ZNF280D: variants seen among roughly 807,000 people sequenced by gnomAD.
ZNF280D encodes the protein zinc finger protein 280D.
Under a neutral mutation model 94.7 loss-of-function variants are expected in ZNF280D, and 39 were observed. The ratio of observed to expected loss-of-function variants is 0.41; its 90% CI spans 0.32 to 0.54. The LOEUF is 0.54. Ranked by LOEUF, ZNF280D falls within the 20% of genes least tolerant of loss-of-function variation. ZNF280D has a pLI of 0.22. For missense variants in ZNF280D, 1,090 were observed against 1,149.3 expected (o/e 0.95, Z 0.75); for synonymous variants, 398 against 377.6 (o/e 1.05, Z -0.63).
intron 21 of ZNF280D, chr15:56,633,954 A>G (rs999969193): frequency 6.6e-6 from 1 of 152,144 alleles, no homozygotes; most frequent in Admixed American, 6.5e-5. Context: ...TGTAGTTAAT[A>G]TATTATTTTT....
chr15:56,693,233 G>A lies in ZNF280D; in HGVS notation c.382-18C>T. 1 of 1,140,612 alleles carries A rather than the reference G, an allele frequency of 8.8e-7. No homozygotes were observed. The highest frequency in any genetic ancestry group is 1.2e-6 in the Non-Finnish European group (1 of 825,748). 70.7% of individuals were successfully genotyped at this position (1,140,612 alleles called of 1,614,324 possible). A position where few individuals can be genotyped will look rare whatever the true frequency, so the allele number is the denominator to read the frequency against. On this transcript the variant is annotated intron_variant, in intron 6 of 21. Coordinates refer to ENST00000267807, the MANE Select transcript of ZNF280D (RefSeq NM_017661.4). ...ATATAACCCTGTTAAATAGTTCAAA[G>A]GAAAAATAATACATTTATTCAACAG...
chr15:56,720,477 A>T (rs1408023649), intron 1 of ZNF280D, among the ~76,000 whole-genome samples: 1 of 152,034 alleles, frequency 6.6e-6, no homozygotes, highest in Non-Finnish European at 1.5e-5. Context: ...CTTCTTCCAA[A>T]CTTCTGTTAA....
At chr15:56,696,923 G>C (rs1357839924) in intron 6 of ZNF280D, among the ~76,000 whole-genome samples, 1 of 152,210 alleles carries the variant, frequency 6.6e-6, no homozygotes, top group African/African-American at 2.4e-5. Context: ...TTCTGAGTCA[G>C]AAAGGAATCT....
At chr15:56,707,367 T>C in intron 1 of ZNF280D, 61 bp from the exon 2 acceptor site, 2 of 1,380,334 alleles carry the variant, frequency 1.4e-6, no homozygotes, top group Non-Finnish European at 2.0e-6. Flanking sequence ...TATACATATT[T>C]AATCTTTTCT....
intron 6 of ZNF280D, chr15:56,700,719 G>T (rs1313541684): frequency 6.9e-7 from 1 of 1,452,130 alleles, no homozygotes; most frequent in African/African-American, 1.4e-5. Flanking sequence ...TAGGCATACT[G>T]CCTGTTATTA....
intron 6 of ZNF280D, among the ~76,000 whole-genome samples, chr15:56,694,922 A>G (rs2056656482): frequency 2.0e-5 from 3 of 152,052 alleles, no homozygotes; most frequent in Non-Finnish European, 1.5e-5. Context: ...TGTTTGTACT[A>G]TTTTTTCTGT....
intron 1 of ZNF280D, among the ~76,000 whole-genome samples, chr15:56,709,661 A>G (rs923501192): frequency 3.3e-5 from 5 of 152,346 alleles, no homozygotes; most frequent in Non-Finnish European, 5.9e-5. Context: ...CATATACACC[A>G]TGGAATACTA....
At position 56,669,925 on chromosome 15, in the gene ZNF280D, T is replaced by A. The variant is rs62022913; in HGVS notation, c.1411-968A>T. ...ATAATATATATATATTATATATATA[T>A]TATATATATATTATATATATATATT... On this transcript the variant is annotated intron_variant, in intron 13 of 21. Coordinates refer to ENST00000267807, the MANE Select transcript of ZNF280D (RefSeq NM_017661.4). Among the ~76,000 whole-genome samples the A allele has an allele frequency of 9.2e-3, 30 of 3,276 alleles. 5 individuals are homozygous for A. The highest frequency in any genetic ancestry group is 0.02 in the African/African-American group (25 of 1,276). The allele number at this position is 3,276 out of a possible 152,430, so 2.1% of individuals were successfully genotyped here.
At chr15:56,673,742 A>G (rs1217828054) in intron 13 of ZNF280D, among the ~76,000 whole-genome samples, 1 of 152,000 alleles carries the variant, frequency 6.6e-6, no homozygotes, top group Non-Finnish European at 1.5e-5. Flanking sequence ...CTCCAGCCAC[A>G]CTGGCCTCCT....
intron 19 of ZNF280D, among the ~76,000 whole-genome samples, chr15:56,649,384 T>C (rs1245958889): frequency 2.6e-5 from 4 of 152,132 alleles, no homozygotes; most frequent in African/African-American, 4.8e-5. Context: ...TTACCAGATA[T>C]CAAAGGCAGA....
chr15:56,651,637 G>T (rs1202469439), intron 19 of ZNF280D, among the ~76,000 whole-genome samples: 2 of 151,910 alleles, frequency 1.3e-5, no homozygotes, highest in African/African-American at 4.8e-5. Context: ...CCACCCCACA[G>T]GTCGCCCCTA....
rs1488428335 is a variant in ZNF280D, at chr15:56,658,469, G to C, written c.2012C>G (p.Pro671Arg). Residue 671 changes from proline (P) to arginine (R), a missense_variant, in exon 17 of 22, where the codon CCA (proline) becomes CGA (arginine). By Grantham distance (103) the Pro-to-Arg change is moderately radical. Around this residue, in one of 3 missense-constraint regions of ZNF280D, gnomAD observed 577 missense variants for 568.8 expected, o/e 1.01. Transcript: ENST00000267807. The part of the protein sequence containing the change: ...NHMMSFHSNR[P>R]SKRFCIFKKH... ...CTTAAAAATACAAAACCTTTTGCTT[G>C]GACGGTTACTATGAAAGCTGGAGAA... 2 of 1,578,878 alleles carry C rather than the reference G, an allele frequency of 1.3e-6. No individual in the cohort carries two copies. The highest frequency in any genetic ancestry group is 1.7e-6 in the Non-Finnish European group (2 of 1,167,434).
intron 1 of ZNF280D, among the ~76,000 whole-genome samples, chr15:56,732,084 T>C (rs2058920283): frequency 6.6e-6 from 1 of 152,208 alleles, no homozygotes; most frequent in African/African-American, 2.4e-5. Context: ...TTGCCTATTC[T>C]CATCTACCTC....
intron 21 of ZNF280D, 121 bp from the exon 22 acceptor site, chr15:56,632,243 A>T: frequency 1.0e-6 from 1 of 959,730 alleles, no homozygotes; most frequent in Non-Finnish European, 1.5e-6. Flanking sequence ...CAAAAAGGAA[A>T]ACAGTCCAAG....
intron 20 of ZNF280D, among the ~76,000 whole-genome samples, chr15:56,638,136 T>A (rs1376126693): frequency 6.6e-6 from 1 of 152,156 alleles, no homozygotes; most frequent in Non-Finnish European, 1.5e-5. Context: ...CAACTGACAG[T>A]ATTCGTTTCC....
At chr15:56,724,082 T>C (rs1422364092) in intron 1 of ZNF280D, among the ~76,000 whole-genome samples, 1 of 152,168 alleles carries the variant, frequency 6.6e-6, no homozygotes, top group African/African-American at 2.4e-5. Context: ...TCATACCACA[T>C]ATCACTAGCC....
chr15:56,655,823 C>A (rs2053517911), intron 17 of ZNF280D, among the ~76,000 whole-genome samples: 1 of 152,148 alleles, frequency 6.6e-6, no homozygotes, highest in Non-Finnish European at 1.5e-5. Context: ...AAGAGTTAAG[C>A]ACTTGGGAGT....
chr15:56,660,067 T>C (rs2053831153), intron 16 of ZNF280D, among the ~76,000 whole-genome samples: 1 of 152,078 alleles, frequency 6.6e-6, no homozygotes, highest in Non-Finnish European at 1.5e-5. Context: ...CTATTAGAGT[T>C]TACAAATTTA....
chr15:56,683,082 A>G (rs1002690978), intron 9 of ZNF280D, among the ~76,000 whole-genome samples: 9 of 152,162 alleles, frequency 5.9e-5, no homozygotes, highest in African/African-American at 1.7e-4. Context: ...CCCATAATAG[A>G]TGATAAATTA....
Sources: allele counts gnomAD v4.1 joint callset (sites outside exome capture counted in the v4.1 genomes callset), GRCh38; gene constraint gnomAD v4.1.1; regional missense constraint gnomAD v4.1.1; transcripts MANE v1.5; gene names NCBI Gene and HGNC (gene_info 2026-07-23, HGNC 2026-07-21).